Variants in TTC28 observed in about 807,000 individuals in gnomAD.
The protein encoded by TTC28 is tetratricopeptide repeat domain 28, also known as tetratricopeptide repeat protein 28.
Under a neutral mutation model 198.0 loss-of-function variants are expected in TTC28, and 61 were observed. That is an observed-to-expected ratio of 0.31 (90% CI 0.25 to 0.38). The LOEUF (loss-of-function observed/expected upper bound fraction) is 0.38, where lower values mean the gene tolerates loss of function less well. Ranked by LOEUF, TTC28 falls within the 10% of genes least tolerant of loss-of-function variation. The probability of loss-of-function intolerance (pLI) is 1.00; values close to 1 mark genes in which losing one functional copy is unlikely to be tolerated. For missense variants in TTC28, 2,678 were observed against 3,164.0 expected, an observed-to-expected ratio of 0.85 and a Z score of 3.69; for synonymous variants, 1,171 against 1,297.8, an observed-to-expected ratio of 0.90 and a Z score of 2.10.
chr22:28,187,234 T>C (rs534439588), intron 5 of TTC28, among the ~76,000 whole-genome samples: 39 of 152,302 alleles, frequency 2.6e-4, no homozygotes, highest in African/African-American at 8.9e-4. Flanking sequence ...TTCTTATCTA[T>C]AGAGAAATGC....
At chr22:28,266,596 T>C (rs910599541) in intron 5 of TTC28, among the ~76,000 whole-genome samples, 4 of 152,152 alleles carry the variant, frequency 2.6e-5, no homozygotes, top group African/African-American at 4.8e-5. Context: ...AGGTGATCTG[T>C]TTCAGGATGA....
intron 6 of TTC28, among the ~76,000 whole-genome samples, chr22:28,140,035 T>G (rs1204769576): frequency 1.3e-5 from 2 of 152,232 alleles, no homozygotes; most frequent in African/African-American, 4.8e-5. Context: ...CACTTGCTTA[T>G]GGGCTCAGGT....
At chr22:28,431,753 A>G (rs1248671645) in intron 2 of TTC28, among the ~76,000 whole-genome samples, 2 of 151,394 alleles carry the variant, frequency 1.3e-5, no homozygotes, top group African/African-American at 4.9e-5. Flanking sequence ...CAAGGCAGGC[A>G]TATCACTTGA....
At chr22:28,588,138 T>C (rs936408939) in intron 2 of TTC28, among the ~76,000 whole-genome samples, 5 of 111,258 alleles carry the variant, frequency 4.5e-5, no homozygotes, top group African/African-American at 1.3e-4. Context: ...GGAGACTCCG[T>C]CTCAAAAAAA....
chr22:28,101,804 A>C (rs1942162977), intron 8 of TTC28, among the ~76,000 whole-genome samples: 1 of 146,506 alleles, frequency 6.8e-6, no homozygotes, highest in Non-Finnish European at 1.5e-5. Context: ...AAAAAAAAAA[A>C]AAAAAAAAGA....
intron 2 of TTC28, among the ~76,000 whole-genome samples, chr22:28,522,606 T>C (rs1387123414): frequency 6.6e-6 from 1 of 151,258 alleles, no homozygotes; most frequent in East Asian, 1.9e-4. Flanking sequence ...TTGAACTCAA[T>C]AGATGGGTTT....
At chr22:28,214,860 T>G (rs1435623961) in intron 5 of TTC28, among the ~76,000 whole-genome samples, 1 of 152,194 alleles carries the variant, frequency 6.6e-6, no homozygotes, top group African/African-American at 2.4e-5. Context: ...CTATTCACAA[T>G]AGCAAAGACT....
intron 12 of TTC28, among the ~76,000 whole-genome samples, chr22:28,053,635 C>CT (rs2146712615): frequency 6.6e-6 from 1 of 152,334 alleles, no homozygotes; most frequent in South Asian, 2.1e-4. Context: ...AAACCCTGAA[C>CT]TGTACCCTTT....
intron 2 of TTC28, among the ~76,000 whole-genome samples, chr22:28,500,163 C>T (rs2048515847): frequency 6.6e-6 from 1 of 152,128 alleles, no homozygotes; most frequent in Non-Finnish European, 1.5e-5. Flanking sequence ...AAAAGTTCCA[C>T]ATCCATCAGC....
At chr22:28,459,399 C>G (rs1451282996) in intron 2 of TTC28, among the ~76,000 whole-genome samples, 4 of 151,962 alleles carry the variant, frequency 2.6e-5, no homozygotes, top group Non-Finnish European at 5.9e-5. Flanking sequence ...CGACTGCACT[C>G]CAGCCTGGGT....
intron 2 of TTC28, among the ~76,000 whole-genome samples, chr22:28,433,854 G>A (rs763153891): frequency 1.3e-5 from 2 of 152,152 alleles, no homozygotes; most frequent in Non-Finnish European, 2.9e-5. Flanking sequence ...ATCAGAAAAG[G>A]GGAAACTATA....
At chr22:28,334,800 C>T (rs1226722093) in intron 2 of TTC28, among the ~76,000 whole-genome samples, 1 of 152,116 alleles carries the variant, frequency 6.6e-6, no homozygotes, top group Non-Finnish European at 1.5e-5. Context: ...CTGTAGGTTG[C>T]CTGTTCACGC....
At chr22:28,019,997 C>T (rs1045311615) in intron 13 of TTC28, among the ~76,000 whole-genome samples, 2 of 152,238 alleles carry the variant, frequency 1.3e-5, no homozygotes, top group African/African-American at 4.8e-5. Flanking sequence ...GTTACTCCTC[C>T]TCTTCAGATG....
intron 2 of TTC28, among the ~76,000 whole-genome samples, chr22:28,321,897 T>C (rs1307300225): frequency 6.6e-6 from 1 of 152,156 alleles, no homozygotes; most frequent in Non-Finnish European, 1.5e-5. Context: ...AGTGGCAAGA[T>C]CTTGGCTCAC....
chr22:28,228,734 G>GTTTAGACTTCACTCAA (rs1928561285), intron 5 of TTC28, among the ~76,000 whole-genome samples: 1 of 151,874 alleles, frequency 6.6e-6, no homozygotes, highest in African/African-American at 2.4e-5. Flanking sequence ...CACACACACA[G>GTTTAGACTTCACTCAA]TTTAGACTTC....
At chr22:28,000,972 G>C (rs546961535) in intron 15 of TTC28, 1 of 167,650 alleles carries the variant, frequency 6.0e-6, no homozygotes, top group East Asian at 1.5e-4. Flanking sequence ...GGCCCAGCCA[G>C]CAGTCAGCTC....
At chr22:28,500,695 C>T (rs779579777) in intron 2 of TTC28, among the ~76,000 whole-genome samples, 4 of 152,014 alleles carry the variant, frequency 2.6e-5, no homozygotes, top group Non-Finnish European at 4.4e-5. Flanking sequence ...TGGACAATTC[C>T]GTATCACAGC....
rs542524800 is a variant in TTC28, at chr22:28,392,816, G to A, written c.382-86173C>T. ...ATCACCCGTCTTCTGCATCGCTCAC[G>A]CTGGGAGCTGTAGACCGGAGCTGCT... On this transcript the variant is annotated intron_variant, in intron 2 of 22. Coordinates refer to ENST00000397906, the MANE Select transcript of TTC28 (RefSeq NM_001145418.2). Among the ~76,000 whole-genome samples the A allele has an allele frequency of 7.4e-4, 112 of 150,606 alleles. 2 individuals carry two copies. The highest frequency in any genetic ancestry group is 1.2e-3 in the Non-Finnish European group (83 of 67,778).
intron 13 of TTC28, among the ~76,000 whole-genome samples, chr22:28,025,521 T>C (rs1391533442): frequency 6.6e-6 from 1 of 152,186 alleles, no homozygotes; most frequent in Non-Finnish European, 1.5e-5. Context: ...ACTGGGCTTT[T>C]GCAGCACTGC....
Sources: gnomAD v4.1 joint callset for allele counts (sites outside exome capture counted in the v4.1 genomes callset) on GRCh38, gnomAD v4.1.1 for gene constraint, MANE v1.5 for transcripts, NCBI Gene and HGNC (gene_info 2026-07-23, HGNC 2026-07-21) for gene names.